The following HMBOX1 variants were observed in gnomAD, a reference collection of about 807,000 sequenced individuals.
The protein encoded by HMBOX1 is homeobox containing 1.
In HMBOX1, 14 loss-of-function variants were observed where a neutral mutation model predicts 54.5. That is an observed-to-expected ratio of 0.26 (90% CI 0.17 to 0.40). HMBOX1 has a LOEUF of 0.40. Among genes scored for constraint, HMBOX1 ranks in the 10% least tolerant of loss-of-function variants. The probability of loss-of-function intolerance (pLI) is 1.00; values close to 1 mark genes in which losing one functional copy is unlikely to be tolerated. For synonymous variants in HMBOX1, 160 were observed against 181.0 expected (o/e 0.88, Z 0.93); for missense variants, 332 against 514.4 (o/e 0.65, Z 3.43).
At chr8:29,041,082 T>TC (rs1804738417) in intron 6 of HMBOX1, among the ~76,000 whole-genome samples, 1 of 152,142 alleles carries the variant, frequency 6.6e-6, no homozygotes. Context: ...TTGTACTGTC[T>TC]CCCCCAAGTT....
chr8:28,973,370 TTTAATAAGATTTTAGGAAAGGTGG>T (rs1827770753), intron 3 of HMBOX1, among the ~76,000 whole-genome samples: 1 of 152,204 alleles, frequency 6.6e-6, no homozygotes, highest in Non-Finnish European at 1.5e-5. Context: ...ATCTGTAGAT[TTTAATAAGATTTTAGGAAAGGTGG>T]TTAATTAACA....
At chr8:28,939,596 C>G (rs189209413) in intron 1 of HMBOX1, among the ~76,000 whole-genome samples, 8 of 151,890 alleles carry the variant, frequency 5.3e-5, no homozygotes, top group Non-Finnish European at 8.8e-5. Flanking sequence ...CAATCTCCGC[C>G]CCCCCTGGGT....
chr8:28,959,801 T>G (rs1825143826), intron 1 of HMBOX1, among the ~76,000 whole-genome samples: 1 of 152,202 alleles, frequency 6.6e-6, no homozygotes, highest in Non-Finnish European at 1.5e-5. Flanking sequence ...TTTCTATAGA[T>G]TCTTAATTAC....
chr8:28,997,807 T>C (rs1175121683), intron 4 of HMBOX1, among the ~76,000 whole-genome samples: 2 of 152,186 alleles, frequency 1.3e-5, no homozygotes, highest in East Asian at 3.8e-4. Flanking sequence ...CTCCTTGGCT[T>C]CCTAAAGTGT....
intron 8 of HMBOX1, 107 bp downstream of exon 8, chr8:29,047,560 TTCTC>T: frequency 3.7e-6 from 2 of 537,964 alleles, no homozygotes; most frequent in South Asian, 4.9e-5. Flanking sequence ...GGATCCTAAC[TTCTC>T]TTTTTTTTTT....
chr8:28,970,981 GACACACAC>G lies in HMBOX1; in HGVS notation c.500+504_500+511del, dbSNP rs10554708. ...ATAGGTTCTAATTTTAGCAATAGAT[GACACACAC>G]ACACACACACACACACACACACACA... On this transcript the variant is annotated intron_variant, in intron 3 of 9. Coordinates refer to ENST00000287701, the MANE Select transcript of HMBOX1 (RefSeq NM_001135726.3). This position sits in a 1 kb window ranked among gnomAD's most constrained non-coding sequence, Gnocchi z 4.3. Among the ~76,000 whole-genome samples, 6,943 of 131,942 alleles carry G rather than the reference GACACACAC, an allele frequency of 0.053. 237 individuals carry two copies. Among genetic ancestry groups the G allele is most frequent in the African/African-American group, 0.1 (3,549 of 34,898 alleles). 86.6% of individuals were successfully genotyped at this position (131,942 alleles called of 152,430 possible).
intron 4 of HMBOX1, among the ~76,000 whole-genome samples, chr8:28,981,335 TGC>T (rs1222962993): frequency 6.6e-6 from 1 of 152,204 alleles, no homozygotes; most frequent in African/African-American, 2.4e-5. Context: ...CAAAGGACAG[TGC>T]GTTAGTTTAA....
At chr8:28,930,475 A>G (rs1435000112) in intron 1 of HMBOX1, among the ~76,000 whole-genome samples, 1 of 152,132 alleles carries the variant, frequency 6.6e-6, no homozygotes. Flanking sequence ...CCTGGTATTC[A>G]AGGCCCTCTA....
intron 1 of HMBOX1, among the ~76,000 whole-genome samples, chr8:28,913,171 T>C (rs1332434738): frequency 6.6e-6 from 1 of 152,228 alleles, no homozygotes; most frequent in Non-Finnish European, 1.5e-5. Context: ...CTTGCCCTCT[T>C]TCCCCACGGG....
At chr8:28,894,093 A>T (rs1411479192) in intron 1 of HMBOX1, among the ~76,000 whole-genome samples, 2 of 152,142 alleles carry the variant, frequency 1.3e-5, no homozygotes, top group African/African-American at 4.8e-5. Flanking sequence ...AACCAGCTTT[A>T]TTTAGTTCTT....
chr8:29,050,791 C>A, intron 9 of HMBOX1: 2 of 512,976 alleles, frequency 3.9e-6, no homozygotes, highest in South Asian at 2.9e-5. Flanking sequence ...TGATGAAAAA[C>A]ATTTTTTGTG....
intron 7 of HMBOX1, chr8:29,046,471 T>TA (rs1194099364): frequency 6.6e-6 from 1 of 152,188 alleles, no homozygotes; most frequent in Non-Finnish European, 1.5e-5. Context: ...TTACTATCCA[T>TA]AAAAAATCAC....
At chr8:28,967,204 A>G (rs957576201) in intron 2 of HMBOX1, among the ~76,000 whole-genome samples, 1 of 152,126 alleles carries the variant, frequency 6.6e-6, no homozygotes, top group Admixed American at 6.6e-5. Flanking sequence ...TGCTCACCCC[A>G]CTGGCCAGAA....
At chr8:28,953,722 A>G (rs2132153180) in intron 1 of HMBOX1, among the ~76,000 whole-genome samples, 2 of 152,308 alleles carry the variant, frequency 1.3e-5, no homozygotes, top group Admixed American at 1.3e-4. Context: ...TTGCTTGAGA[A>G]TACCTCTTGG....
chr8:28,925,002 C>T (rs11784622), intron 1 of HMBOX1, among the ~76,000 whole-genome samples: 14,780 of 149,246 alleles, frequency 0.099, 959 homozygotes, highest in Middle Eastern at 0.17. Flanking sequence ...GTTATCTTTC[C>T]TATTAGTGAT....
At chr8:29,037,380 C>T (rs970136053) in intron 6 of HMBOX1, among the ~76,000 whole-genome samples, 8 of 151,794 alleles carry the variant, frequency 5.3e-5, no homozygotes, top group African/African-American at 1.7e-4. Flanking sequence ...TCCATTTTGC[C>T]GATACTTTAA....
chr8:29,033,302 A>G (rs1368311064), intron 6 of HMBOX1, among the ~76,000 whole-genome samples: 1 of 152,204 alleles, frequency 6.6e-6, no homozygotes, highest in Non-Finnish European at 1.5e-5. Flanking sequence ...ATCCTCTTTT[A>G]TACTCCTTAT....
intron 2 of HMBOX1, among the ~76,000 whole-genome samples, chr8:28,964,873 T>C (rs1826183877): frequency 6.6e-6 from 1 of 152,198 alleles, no homozygotes; most frequent in Non-Finnish European, 1.5e-5. Flanking sequence ...TCCCCACTTT[T>C]TAAAAAAATT....
At chr8:28,991,970 C>A (rs1336886282) in intron 4 of HMBOX1, among the ~76,000 whole-genome samples, 2 of 152,212 alleles carry the variant, frequency 1.3e-5, no homozygotes, top group East Asian at 3.8e-4. Flanking sequence ...CAGGTGTTAA[C>A]TTCCTCAGTT....
Sources: gnomAD v4.1 joint callset for allele counts (sites outside exome capture counted in the v4.1 genomes callset) on GRCh38, gnomAD v4.1.1 for gene constraint, Gnocchi (gnomAD v3.1) non-coding constraint, MANE v1.5 for transcripts, NCBI Gene and HGNC (gene_info 2026-07-23, HGNC 2026-07-21) for gene names.